The following SNX31 variants were observed in gnomAD, a reference collection of about 807,000 sequenced individuals.
SNX31 encodes sorting nexin-31.
Under a neutral mutation model 65.4 loss-of-function variants are expected in SNX31, and 58 were observed. The observed-to-expected ratio is 0.89, with a 90% CI of 0.72 to 1.10. The LOEUF (loss-of-function observed/expected upper bound fraction) is 1.10. SNX31 is among the 50% of genes least tolerant of loss of function. The pLI is 0.00. For missense variants in SNX31, 523 were observed against 529.7 expected, an observed-to-expected ratio of 0.99 and a Z score of 0.12; for synonymous variants, 181 against 190.1, an observed-to-expected ratio of 0.95 and a Z score of 0.39.
chr8:100,619,904 C>T (rs1817558043), intron 4 of SNX31: 2 of 152,152 alleles, frequency 1.3e-5, no homozygotes, highest in African/African-American at 4.8e-5. Context: ...CTATGTAAGC[C>T]AGAATACTAG....
chr8:100,595,198 T>A (rs1412267794), intron 10 of SNX31, among the ~76,000 whole-genome samples: 1 of 152,230 alleles, frequency 6.6e-6, no homozygotes, highest in African/African-American at 2.4e-5. Flanking sequence ...AATATATTTT[T>A]TCTGACCTCC....
intron 10 of SNX31, among the ~76,000 whole-genome samples, chr8:100,590,498 G>C (rs189524077): frequency 6.6e-6 from 1 of 152,196 alleles, no homozygotes; most frequent in African/African-American, 2.4e-5. Flanking sequence ...TGAATTGGAG[G>C]CTGGGTGCAG....
chr8:100,615,409 C>T lies in SNX31; in HGVS notation c.432+2211G>A, dbSNP rs142095117. ...AACACAACTGCCATTGTCTCGGGAA[C>T]GTGAACTATTTCTATAATTATTTAC... On this transcript the variant is annotated intron_variant, in intron 5 of 13. Transcript: ENST00000311812. 1.6e-3 allele frequency among the ~76,000 whole-genome samples: 244 copies of T among 152,286 alleles called. 1 individual carries two copies. Among genetic ancestry groups the T allele is most frequent in the African/African-American group, 5.5e-3 (227 of 41,562 alleles).
chr8:100,658,235 T>C (rs990871627), intron 1 of SNX31, among the ~76,000 whole-genome samples: 1 of 152,208 alleles, frequency 6.6e-6, no homozygotes, highest in Non-Finnish European at 1.5e-5. Context: ...GCTGCAATTT[T>C]GGCTCAGCTT....
chr8:100,577,536 C>T (rs887964298), intron 12 of SNX31, among the ~76,000 whole-genome samples: 8 of 152,168 alleles, frequency 5.3e-5, no homozygotes, highest in Non-Finnish European at 8.8e-5. Context: ...CCCAATATAC[C>T]AGCAGGAAAC....
rs770681860 is a variant in SNX31 at position 100,648,429 on chromosome 8, T to C, written c.141+845A>G. On this transcript the variant is annotated intron_variant, in intron 2 of 13. Coordinates refer to ENST00000311812, the MANE Select transcript of SNX31 (RefSeq NM_152628.4). The surrounding 1 kb of genome is among the most constrained non-coding windows in gnomAD (Gnocchi z 4.3). The stretch of plus-strand genomic sequence containing the variant: ...CCTCCTGCCTCAGTCTCCCAAAGTA[T>C]TGGGATTACAAGCATGAGCCACGGT... Among the ~76,000 whole-genome samples the C allele has an allele frequency of 6.6e-6, 1 of 151,708 alleles. No individual in the cohort carries two copies. The highest frequency in any genetic ancestry group is 2.4e-5 in the African/African-American group (1 of 41,258).
At chr8:100,581,311 T>TTA (rs1554570412) in intron 12 of SNX31, among the ~76,000 whole-genome samples, 132 of 122,632 alleles carry the variant, frequency 1.1e-3, no homozygotes, top group African/African-American at 5.7e-3. Flanking sequence ...AAAAAATTTT[T>TTA]TATATATCTA....
At chr8:100,598,839 C>A (rs775652404) in intron 9 of SNX31, among the ~76,000 whole-genome samples, 33 of 152,180 alleles carry the variant, frequency 2.2e-4, no homozygotes, top group Non-Finnish European at 3.8e-4. Context: ...TCTGCCACTG[C>A]AACACAAAAG....
At chr8:100,645,636 A>G (rs7844997) in intron 2 of SNX31, among the ~76,000 whole-genome samples, 9,381 of 129,292 alleles carry the variant, frequency 0.073, 432 homozygotes, top group Non-Finnish European at 0.097. Context: ...TTTTGAGACA[A>G]GGTCTCACTC....
In SNX31 at chr8:100,629,038, T is replaced by G. The variant is rs777454229; in HGVS notation, c.321+1289A>C. On this transcript the variant is annotated intron_variant, in intron 4 of 13. Transcript: ENST00000311812. The surrounding 1 kb of genome is among the most constrained non-coding windows in gnomAD (Gnocchi z 5.1). ...ATACAGGTTTGTAGCCTAGGGGCAG[T>G]AGGCTCTACCATCTAGGTTTGTGGT... 6.6e-6 allele frequency among the ~76,000 whole-genome samples: 1 copy of G among 152,206 alleles called. No homozygotes were observed. Among genetic ancestry groups the G allele is most frequent in the South Asian group, 2.1e-4 (1 of 4,834 alleles).
At chr8:100,655,666 G>A (rs943681143) in intron 1 of SNX31, among the ~76,000 whole-genome samples, 3 of 152,138 alleles carry the variant, frequency 2.0e-5, no homozygotes, top group East Asian at 1.9e-4. Context: ...ACCTAGTCTC[G>A]AGTATGTCTT....
chr8:100,628,813 GGTGTGTGTGTGTGT>G (rs35911139), intron 4 of SNX31, among the ~76,000 whole-genome samples: 7 of 144,088 alleles, frequency 4.9e-5, no homozygotes, highest in South Asian at 2.2e-4. Context: ...AAATAAAATG[GGTGTGTGTGTGTGT>G]GTGTGTGTGT....
At chr8:100,641,583 TATATATATATATACACATAC>T (rs1419501259) in intron 2 of SNX31, among the ~76,000 whole-genome samples, 2 of 24,694 alleles carry the variant, frequency 8.1e-5, no homozygotes, top group Non-Finnish European at 1.2e-4. Flanking sequence ...TATATATATA[TATATATATATATACACATAC>T]ACACACACAC....
chr8:100,618,335 TTTTCAGTA>T (rs1378467308), intron 4 of SNX31: 76 of 1,534,802 alleles, frequency 5.0e-5, no homozygotes, highest in Non-Finnish European at 6.3e-5. Flanking sequence ...ACTTGCCCAG[TTTTCAGTA>T]TTTCCAAGCA....
chr8:100,628,757 T>A (rs563927460), intron 4 of SNX31, among the ~76,000 whole-genome samples: 316 of 152,014 alleles, frequency 2.1e-3, no homozygotes, highest in Middle Eastern at 3.4e-3. Flanking sequence ...AAAATTTTTT[T>A]AAAAAAGCAA....
chr8:100,611,640 C>T (rs546817432), intron 7 of SNX31, among the ~76,000 whole-genome samples: 14 of 152,144 alleles, frequency 9.2e-5, no homozygotes, highest in African/African-American at 2.2e-4. Context: ...ACTGCAGCCT[C>T]GATCTTCTGG....
chr8:100,649,306 G>C lies in SNX31; in HGVS notation c.109C>G (p.Arg37Gly). ...TTCCAACCGTGCAGCTGGCTGTAGC[G>C]CACCCTGCAGAAGAGGAACCCGTCC... is the stretch of plus-strand genomic sequence containing the variant. ...HLDGFLFCRV[R>G]YSQLHGWNEQ... is the part of the protein sequence containing the mutation. Residue 37 changes from arginine (R) to glycine (G), a missense_variant, in exon 2 of 14, where the codon CGC (arginine) becomes GGC (glycine). Transcript: ENST00000311812. 6.2e-7 allele frequency: 1 copy of C among 1,614,030 alleles called. No homozygotes were observed.
rs1016192662 is a variant in SNX31, at chr8:100,630,818, C to T, written c.257-427G>A. On this transcript the variant is annotated intron_variant, in intron 3 of 13. Coordinates refer to ENST00000311812, the MANE Select transcript of SNX31 (RefSeq NM_152628.4). The surrounding 1 kb of genome is among the most constrained non-coding windows in gnomAD (Gnocchi z 5.3). ...AACTGAGAGCACCTCTTTGGAGTCT[C>T]GCCCAGTCGCCCAGGCTGGAGTGTA... Among the ~76,000 whole-genome samples the T allele has an allele frequency of 1.1e-4, 16 of 152,162 alleles. No individual in the cohort carries two copies. Among genetic ancestry groups the T allele is most frequent in the Admixed American group, 2.6e-4 (4 of 15,274 alleles).
At chr8:100,628,334 C>A (rs1818182675) in intron 4 of SNX31, among the ~76,000 whole-genome samples, 1 of 152,104 alleles carries the variant, frequency 6.6e-6, no homozygotes, top group Admixed American at 6.6e-5. Flanking sequence ...AGACTTGGAA[C>A]CAACCCAAAT....
Sources: gnomAD v4.1 joint callset for allele counts (sites outside exome capture counted in the v4.1 genomes callset) on GRCh38, gnomAD v4.1.1 for gene constraint, Gnocchi (gnomAD v3.1) non-coding constraint, MANE v1.5 for transcripts, NCBI Gene and HGNC (gene_info 2026-07-23, HGNC 2026-07-21) for gene names.